The following WDR19 variants were observed in gnomAD, a reference collection of about 807,000 sequenced individuals.
The protein encoded by WDR19 is WD repeat domain 19, also known as WD repeat-containing protein 19.
In WDR19, 121 loss-of-function variants were observed where a neutral mutation model predicts 180.0. The observed-to-expected ratio is 0.67, with a 90% CI of 0.58 to 0.78. The LOEUF is 0.78. Among genes scored for constraint, WDR19 ranks in the 30% least tolerant of loss-of-function variants. The pLI is 0.00. For synonymous variants in WDR19, 497 were observed against 540.7 expected, an observed-to-expected ratio of 0.92 and a Z score of 1.12; for missense variants, 1,450 against 1,640.7, an observed-to-expected ratio of 0.88 and a Z score of 2.01.
intron 23 of WDR19, among the ~76,000 whole-genome samples, chr4:39,244,938 C>CTT (rs72240523): frequency 1.3e-4 from 15 of 115,312 alleles, no homozygotes; most frequent in Admixed American, 9.1e-4. Context: ...TTTTTTTTTT[C>CTT]TTTTTTTTTT....
At chr4:39,254,161 A>G in intron 26 of WDR19, 131 bp downstream of exon 26, 1 of 804,344 alleles carries the variant, frequency 1.2e-6, no homozygotes, top group Non-Finnish European at 1.8e-6. Context: ...ATTTATACAT[A>G]GACACACATG....
intron 1 of WDR19, 128 bp from the exon 2 acceptor site, chr4:39,185,596 AGC>A (rs1725429282): frequency 1.3e-6 from 1 of 777,198 alleles, no homozygotes; most frequent in Admixed American, 2.4e-5. Context: ...CTTCTAGATA[AGC>A]TCTAACATAA....
intron 23 of WDR19, among the ~76,000 whole-genome samples, chr4:39,245,032 G>A (rs1732367864): frequency 6.7e-6 from 1 of 150,374 alleles, no homozygotes; most frequent in Admixed American, 6.7e-5. Context: ...CACCTCCTGG[G>A]TTCTAGCAAT....
rs772322141 is a variant in WDR19 at position 39,215,881 on chromosome 4, A to G, written c.1002A>G (p.Leu334=). 68 of 1,613,652 alleles carry G rather than the reference A, an allele frequency of 4.2e-5. No individual in the cohort carries two copies. The highest frequency in any genetic ancestry group is 5.3e-5 in the Non-Finnish European group (63 of 1,179,792). Residue 334 remains leucine, a synonymous_variant, in exon 11 of 37, where the codon CTA becomes CTG. Transcript: ENST00000399820. ...CCTGGACTGATGATGGCCAGTTGCT[A>G]GCACTCTCTACCCAAAGGGGCTCAC... The part of the protein sequence containing the change: ...TLSWTDDGQL[L]ALSTQRGSLH...
chr4:39,216,053 A>G (rs1729037816), intron 11 of WDR19, 40 bp downstream of exon 11: 5 of 1,536,042 alleles, frequency 3.3e-6, no homozygotes, highest in East Asian at 2.5e-5. Flanking sequence ...TTATTAATAA[A>G]ATAAGTTTAG....
chr4:39,278,757 G>A, intron 36 of WDR19, 94 bp downstream of exon 36: 1 of 628,706 alleles, frequency 1.6e-6, no homozygotes, highest in Non-Finnish European at 2.7e-6. Context: ...TCCTTTCAGT[G>A]CACCATGGAA....
chr4:39,197,442 A>AG (rs1435416368), intron 5 of WDR19, among the ~76,000 whole-genome samples: 3 of 145,496 alleles, frequency 2.1e-5, no homozygotes, highest in African/African-American at 7.8e-5. Context: ...AAAAAAAAAA[A>AG]AAAGAAAGAA....
chr4:39,246,432 C>T (rs1339493379), intron 24 of WDR19, among the ~76,000 whole-genome samples: 1 of 152,182 alleles, frequency 6.6e-6, no homozygotes, highest in Non-Finnish European at 1.5e-5. Context: ...ATGAGCGACG[C>T]AGAAGACAGG....
intron 19 of WDR19, among the ~76,000 whole-genome samples, chr4:39,233,539 C>A (rs1342166905): frequency 6.6e-6 from 1 of 152,146 alleles, no homozygotes; most frequent in Non-Finnish European, 1.5e-5. Context: ...CTATTGTAAT[C>A]ATTAATATTA....
At chr4:39,213,612 G>C (rs1728756931) in intron 9 of WDR19, among the ~76,000 whole-genome samples, 1 of 152,198 alleles carries the variant, frequency 6.6e-6, no homozygotes, top group Non-Finnish European at 1.5e-5. Flanking sequence ...TTTATAAAAA[G>C]GCAACATGAG....
At chr4:39,252,113 G>A (rs1043270252) in intron 24 of WDR19, among the ~76,000 whole-genome samples, 37 of 151,880 alleles carry the variant, frequency 2.4e-4, no homozygotes, top group African/African-American at 5.6e-4. Context: ...CAACCCAAAT[G>A]TCCAACAATG....
chr4:39,186,478 CAAAAAAA>C (rs71192831), intron 2 of WDR19, 54 bp from the exon 3 acceptor site: 642 of 363,164 alleles, frequency 1.8e-3, no homozygotes, highest in African/African-American at 0.017. Context: ...GACTCTGTCT[CAAAAAAA>C]AAAAAAAAAA....
chr4:39,277,622 T>G (rs1470031474), intron 34 of WDR19, among the ~76,000 whole-genome samples: 1 of 152,266 alleles, frequency 6.6e-6, no homozygotes, highest in Non-Finnish European at 1.5e-5. Context: ...AACTGAATAT[T>G]ATTCCTTTAA....
chr4:39,275,028 G>C, intron 33 of WDR19, 70 bp downstream of exon 33: 1 of 1,565,188 alleles, frequency 6.4e-7, no homozygotes, highest in Non-Finnish European at 8.7e-7. Context: ...GTAGCTGCCA[G>C]TGTGCAAGCT....
intron 26 of WDR19, among the ~76,000 whole-genome samples, chr4:39,254,233 A>C (rs759666729): frequency 6.6e-6 from 1 of 152,198 alleles, no homozygotes; most frequent in African/African-American, 2.4e-5. Context: ...GGTATTATTA[A>C]AAAGGACTAT....
intron 1 of WDR19, 106 bp from the exon 2 acceptor site, chr4:39,185,620 C>A: frequency 2.8e-6 from 3 of 1,076,610 alleles, no homozygotes; most frequent in Middle Eastern, 2.6e-4. Context: ...CCTCACTATC[C>A]TGAATCCTAT....
At chr4:39,216,557 TC>T (rs1282834678) in intron 12 of WDR19, among the ~76,000 whole-genome samples, 1 of 152,212 alleles carries the variant, frequency 6.6e-6, no homozygotes, top group Non-Finnish European at 1.5e-5. Context: ...TGAGGATACT[TC>T]TACTTTTAAT....
At chr4:39,189,122 C>T (rs1725886749) in intron 3 of WDR19, among the ~76,000 whole-genome samples, 1 of 152,082 alleles carries the variant, frequency 6.6e-6, no homozygotes, top group Non-Finnish European at 1.5e-5. Context: ...CGGGGTTTCT[C>T]CATGTTGGTC....
chr4:39,182,834 C>T (rs1725085297), intron 1 of WDR19, among the ~76,000 whole-genome samples: 1 of 152,112 alleles, frequency 6.6e-6, no homozygotes, highest in Non-Finnish European at 1.5e-5. Context: ...GTGGGAACCC[C>T]TCCCTGGCCG....
Sources: allele counts gnomAD v4.1 joint callset (sites outside exome capture counted in the v4.1 genomes callset), GRCh38; gene constraint gnomAD v4.1.1; transcripts MANE v1.5; gene names NCBI Gene and HGNC (gene_info 2026-07-23, HGNC 2026-07-21).